ANO3: variants seen among roughly 807,000 people sequenced by gnomAD.
The protein encoded by ANO3 is anoctamin 3, also known as anoctamin-3.
A neutral mutation model predicts 144.8 loss-of-function variants in ANO3; 99 were observed. The ratio of observed to expected loss-of-function variants is 0.68; its 90% confidence interval spans 0.58 to 0.81. The LOEUF is 0.81. ANO3 is among the 30% of genes least tolerant of loss of function. The probability of loss-of-function intolerance (pLI) is 0.00; values close to 1 mark genes in which losing one functional copy is unlikely to be tolerated. For synonymous variants in ANO3, 414 were observed against 392.6 expected (o/e 1.05, Z -0.64); for missense variants, 905 against 1,202.2 (o/e 0.75, Z 3.66).
At chr11:26,278,962 C>A (rs897165605) in intron 1 of ANO3, among the ~76,000 whole-genome samples, 1 of 152,106 alleles carries the variant, frequency 6.6e-6, no homozygotes, top group African/African-American at 2.4e-5. Context: ...TACCTTTCTA[C>A]CTTTATGCTC....
At chr11:26,292,563 G>C (rs569880013) in intron 1 of ANO3, among the ~76,000 whole-genome samples, 38 of 152,244 alleles carry the variant, frequency 2.5e-4, no homozygotes, top group African/African-American at 8.9e-4. Context: ...TCTACCTTTC[G>C]TATTTGATGA....
chr11:26,353,608 C>T (rs1193868486), intron 1 of ANO3, among the ~76,000 whole-genome samples: 1 of 152,146 alleles, frequency 6.6e-6, no homozygotes, highest in Non-Finnish European at 1.5e-5. Flanking sequence ...ATCTCGCTGT[C>T]GCCAGGCTGG....
At chr11:26,202,998 G>A (rs1458213049) in intron 1 of ANO3, among the ~76,000 whole-genome samples, 1 of 152,046 alleles carries the variant, frequency 6.6e-6, no homozygotes, top group Non-Finnish European at 1.5e-5. Context: ...GACAGAGATG[G>A]AAAACAAGAA....
At chr11:26,225,870 T>A (rs913597953) in intron 1 of ANO3, among the ~76,000 whole-genome samples, 6 of 152,158 alleles carry the variant, frequency 3.9e-5, no homozygotes, top group African/African-American at 1.4e-4. Context: ...TGGTTCTGAG[T>A]GATTTCACAC....
chr11:26,363,484 T>C (rs979297088), intron 1 of ANO3, among the ~76,000 whole-genome samples: 7 of 152,144 alleles, frequency 4.6e-5, no homozygotes, highest in Non-Finnish European at 1.0e-4. Flanking sequence ...CCTTTTCCTC[T>C]GTGTATGCAC....
intron 1 of ANO3, among the ~76,000 whole-genome samples, chr11:26,262,111 G>T (rs1267177997): frequency 6.6e-6 from 1 of 152,126 alleles, no homozygotes; most frequent in Admixed American, 6.5e-5. Flanking sequence ...TAGTAGAATA[G>T]AGAAAATTTA....
intron 1 of ANO3, among the ~76,000 whole-genome samples, chr11:26,257,773 A>G (rs1853093197): frequency 7.2e-6 from 1 of 138,856 alleles, no homozygotes; most frequent in Admixed American, 7.0e-5. Context: ...TCCCATGGAA[A>G]ACAAAGATAA....
chr11:26,230,934 C>A (rs1384394069), intron 1 of ANO3, among the ~76,000 whole-genome samples: 2 of 148,836 alleles, frequency 1.3e-5, no homozygotes, highest in African/African-American at 5.0e-5. Flanking sequence ...CCTCTGTTGC[C>A]CCAGCTGGAT....
intron 4 of ANO3, among the ~76,000 whole-genome samples, chr11:26,479,278 T>A (rs1860109424): frequency 6.6e-6 from 1 of 152,072 alleles, no homozygotes; most frequent in Non-Finnish European, 1.5e-5. Flanking sequence ...ACTGAAAGAG[T>A]CCTGATTAAT....
At chr11:26,371,082 G>A (rs958524251) in intron 1 of ANO3, among the ~76,000 whole-genome samples, 7 of 152,158 alleles carry the variant, frequency 4.6e-5, no homozygotes, top group Non-Finnish European at 8.8e-5. Context: ...CCCTCCCATC[G>A]CAGGCCTGGA....
chr11:26,332,028 C>G, upstream of ANO3: 1 of 1,198,942 alleles, frequency 8.3e-7, no homozygotes, highest in Non-Finnish European at 1.1e-6. Flanking sequence ...ACTGGACGCG[C>G]GGGGGATGCG....
At chr11:26,642,905 T>C (rs1207861505) in intron 22 of ANO3, among the ~76,000 whole-genome samples, 8 of 152,046 alleles carry the variant, frequency 5.3e-5, no homozygotes, top group Admixed American at 1.3e-4. Flanking sequence ...TTCTTCTTTT[T>C]CTCTCTCCTT....
chr11:26,561,203 C>T (rs201499877), intron 14 of ANO3: 39 of 1,609,822 alleles, frequency 2.4e-5, no homozygotes, highest in Middle Eastern at 1.7e-4. Flanking sequence ...CATAAGGTTC[C>T]GGTGCATTGT....
In ANO3 at chr11:26,635,349, A is replaced by T. The variant is rs367984233; in HGVS notation, c.2043+279A>T. Among the ~76,000 whole-genome samples the T allele has an allele frequency of 0.018, 2,704 of 151,680 alleles. 41 individuals are homozygous for T. Among genetic ancestry groups the T allele is most frequent in the Non-Finnish European group, 0.028 (1,911 of 67,886 alleles). On this transcript the variant is annotated intron_variant, in intron 20 of 26. Transcript: ENST00000256737. ...GCTCCAGTAATTTTCCTTTTTTTTT[A>T]AATTATTATTATTCATTAGGTAAAT...
At chr11:26,560,932 G>T in intron 14 of ANO3, 1 of 845,074 alleles carries the variant, frequency 1.2e-6, no homozygotes, top group Non-Finnish European at 1.8e-6. Flanking sequence ...TCTGCTACTG[G>T]TCTCCTGCTT....
intron 14 of ANO3, among the ~76,000 whole-genome samples, chr11:26,564,755 AT>A (rs1850488699): frequency 1.2e-5 from 1 of 86,180 alleles, no homozygotes; most frequent in Non-Finnish European, 2.2e-5. Flanking sequence ...ATATATATAT[AT>A]ATATATATAT....
chr11:26,434,098 TC>T (rs1281274788), intron 1 of ANO3, among the ~76,000 whole-genome samples: 3 of 152,032 alleles, frequency 2.0e-5, no homozygotes, highest in Non-Finnish European at 4.4e-5. Flanking sequence ...AATCAGTCGT[TC>T]TGTTGATGCA....
chr11:26,336,000 A>G (rs532520189), intron 1 of ANO3, among the ~76,000 whole-genome samples: 1 of 152,210 alleles, frequency 6.6e-6, no homozygotes, highest in Non-Finnish European at 1.5e-5. Context: ...AGGGGGAGGC[A>G]GTCTGCTTAT....
chr11:26,309,926 A>C (rs751872182), intron 1 of ANO3, among the ~76,000 whole-genome samples: 3 of 152,208 alleles, frequency 2.0e-5, no homozygotes. Flanking sequence ...CTAAGCTTCT[A>C]ATAAAAACGC....
Sources: gnomAD v4.1 joint callset for allele counts (sites outside exome capture counted in the v4.1 genomes callset) on GRCh38, gnomAD v4.1.1 for gene constraint, MANE v1.5 for transcripts, NCBI Gene and HGNC (gene_info 2026-07-23, HGNC 2026-07-21) for gene names.